KATNAL2: variants seen among roughly 807,000 people sequenced by gnomAD.
KATNAL2 encodes the protein katanin catalytic subunit A1 like 2.
KATNAL2 carries 52 observed loss-of-function variants against 76.3 expected under a neutral mutation model. The ratio of observed to expected loss-of-function variants is 0.68; its 90% CI spans 0.55 to 0.86. The LOEUF is 0.86. Ranked by LOEUF, KATNAL2 falls within the 40% of genes least tolerant of loss-of-function variation. KATNAL2 has a pLI of 0.00. For synonymous variants in KATNAL2, 243 were observed against 244.2 expected, an observed-to-expected ratio of 1.00 and a Z score of 0.05; for missense variants, 660 against 668.9, an observed-to-expected ratio of 0.99 and a Z score of 0.15.
intron 4 of KATNAL2, among the ~76,000 whole-genome samples, chr18:47,048,893 G>GGC (rs2061250358): frequency 1.6e-5 from 2 of 124,782 alleles, no homozygotes; most frequent in African/African-American, 3.1e-5. Context: ...GGAGTGCAAT[G>GGC]GCGCGATCTC....
chr18:47,077,340 T>C lies in KATNAL2; in HGVS notation c.1101-11T>C. On this transcript the variant is annotated splice_polypyrimidine_tract_variant and intron_variant, in intron 14 of 17. Coordinates refer to ENST00000683218, the MANE Select transcript of KATNAL2 (RefSeq NM_001387690.1). The stretch of plus-strand genomic sequence containing the variant: ...TGACACTTAGGAGAATCACGTCTTG[T>C]CTCTCTGTAGGGGAGAACATGAAGG... 6.2e-7 allele frequency: 1 copy of C among 1,603,364 alleles called. No individual in the cohort carries two copies. The highest frequency in any genetic ancestry group is 8.5e-7 in the Non-Finnish European group (1 of 1,170,328).
rs575761120 is a variant in KATNAL2 at position 47,053,326 on chromosome 18, T to A, written c.289+280T>A. ...ATAGGTACTTTTCAGATGATTAGCA[T>A]TACTTTAATTTCCTTAGAGATGAAA... On this transcript the variant is annotated intron_variant, in intron 5 of 17. Coordinates refer to ENST00000683218, the MANE Select transcript of KATNAL2 (RefSeq NM_001387690.1). 9.8e-5 allele frequency among the ~76,000 whole-genome samples: 15 copies of A among 152,362 alleles called. No homozygotes were observed. The South Asian group carries it at 2.7e-3, about 27-fold the overall frequency.
intron 15 of KATNAL2, among the ~76,000 whole-genome samples, chr18:47,092,899 A>G (rs1207713221): frequency 6.6e-6 from 1 of 152,176 alleles, no homozygotes; most frequent in African/African-American, 2.4e-5. Flanking sequence ...TAGGCCTCAC[A>G]TGTTGAAAAT....
chr18:47,034,353 G>T (rs779106552), intron 3 of KATNAL2: 2 of 1,613,772 alleles, frequency 1.2e-6, no homozygotes, highest in Non-Finnish European at 1.7e-6. Flanking sequence ...GCCTCTTCTG[G>T]TGACTGTCTG....
At chr18:46,931,125 A>AAT (rs2058900885) in intron 1 of KATNAL2, among the ~76,000 whole-genome samples, 1 of 134,398 alleles carries the variant, frequency 7.4e-6, no homozygotes, top group Non-Finnish European at 1.6e-5. Flanking sequence ...TAATAATAAT[A>AAT]ATAATAATAA....
At chr18:47,044,534 G>A (rs112438927) in intron 3 of KATNAL2, among the ~76,000 whole-genome samples, 156 of 145,074 alleles carry the variant, frequency 1.1e-3, no homozygotes, top group Middle Eastern at 4.3e-3. Flanking sequence ...CGAAGCAGGC[G>A]GATCATCTGA....
At chr18:47,087,949 C>A (rs1048224014) in intron 15 of KATNAL2, among the ~76,000 whole-genome samples, 1 of 151,992 alleles carries the variant, frequency 6.6e-6, no homozygotes, top group African/African-American at 2.4e-5. Context: ...ATTTATTTGA[C>A]TTTTCTTTTT....
chr18:46,955,390 A>T lies in KATNAL2; in HGVS notation c.51+8467A>T, dbSNP rs553924887. On this transcript the variant is annotated intron_variant, in intron 3 of 17. Coordinates refer to ENST00000683218, the MANE Select transcript of KATNAL2 (RefSeq NM_001387690.1). ...CGCCACCACGCCTGGCTAATTTTGT[A>T]TTTTTTTTTTTTAAGTAGAGACGGG... is the stretch of plus-strand genomic sequence containing the variant. 2.9e-5 allele frequency among the ~76,000 whole-genome samples: 4 copies of T among 140,148 alleles called. No homozygotes were observed. In the South Asian group the frequency reaches 9.1e-4, roughly 32 times the overall value. The allele number at this position is 140,148 out of a possible 152,430, so 91.9% of individuals were successfully genotyped here.
chr18:47,034,730 G>A (rs773602485), intron 3 of KATNAL2: 79 of 1,612,886 alleles, frequency 4.9e-5, no homozygotes, highest in Non-Finnish European at 6.3e-5. Context: ...TCGGGCATCC[G>A]GAGGGGAGCT....
intron 15 of KATNAL2, among the ~76,000 whole-genome samples, chr18:47,086,116 G>A (rs1350244580): frequency 6.6e-6 from 1 of 152,056 alleles, no homozygotes; most frequent in East Asian, 1.9e-4. Flanking sequence ...ATGCTATTGT[G>A]CTTTGTGACT....
At chr18:46,948,817 AT>A (rs1186982892) in intron 3 of KATNAL2, among the ~76,000 whole-genome samples, 1 of 152,066 alleles carries the variant, frequency 6.6e-6, no homozygotes, top group African/African-American at 2.4e-5. Flanking sequence ...GATCCAGAAG[AT>A]AAAATATGGG....
chr18:47,035,343 T>C (rs2060721187), intron 3 of KATNAL2: 1 of 1,601,764 alleles, frequency 6.2e-7, no homozygotes, highest in Non-Finnish European at 8.5e-7. Flanking sequence ...AAGTCTGGGG[T>C]GGCCGGTCCT....
At chr18:46,941,669 T>C (rs2059250154) in intron 1 of KATNAL2, among the ~76,000 whole-genome samples, 1 of 152,104 alleles carries the variant, frequency 6.6e-6, no homozygotes, top group African/African-American at 2.4e-5. Flanking sequence ...TGTAAATAAT[T>C]TCTTCAAAAA....
chr18:47,067,182 C>G, intron 11 of KATNAL2, 63 bp downstream of exon 11: 1 of 749,682 alleles, frequency 1.3e-6, no homozygotes. Flanking sequence ...AGCTGTATGT[C>G]ACACAACTAT....
chr18:46,956,143 G>C (rs1325455566), intron 3 of KATNAL2, among the ~76,000 whole-genome samples: 2 of 152,088 alleles, frequency 1.3e-5, no homozygotes, highest in Admixed American at 1.3e-4. Flanking sequence ...TATTTCTTTG[G>C]ATATTGTAGG....
chr18:47,033,922 G>C (rs1427624682), intron 3 of KATNAL2: 1 of 1,612,864 alleles, frequency 6.2e-7, no homozygotes, highest in Non-Finnish European at 8.5e-7. Flanking sequence ...CGGCCCGGCG[G>C]AATCAGCGCC....
chr18:46,944,882 G>A (rs1052927075), intron 1 of KATNAL2, among the ~76,000 whole-genome samples: 6 of 152,010 alleles, frequency 3.9e-5, no homozygotes, highest in East Asian at 3.9e-4. Flanking sequence ...AACCAAGATC[G>A]TGCAACTGCA....
At chr18:46,923,973 T>C (rs2058653859) in intron 1 of KATNAL2, among the ~76,000 whole-genome samples, 1 of 152,218 alleles carries the variant, frequency 6.6e-6, no homozygotes, top group Non-Finnish European at 1.5e-5. Flanking sequence ...TTCTGGATAT[T>C]AGCCCTTTGT....
At chr18:47,031,488 T>C (rs1299062587) in intron 3 of KATNAL2, among the ~76,000 whole-genome samples, 2 of 152,130 alleles carry the variant, frequency 1.3e-5, no homozygotes, top group African/African-American at 2.4e-5. Context: ...CATTATGCCC[T>C]GAGAATCGGG....
Sources: gnomAD v4.1 joint callset for allele counts (sites outside exome capture counted in the v4.1 genomes callset) on GRCh38, gnomAD v4.1.1 for gene constraint, MANE v1.5 for transcripts, NCBI Gene and HGNC (gene_info 2026-07-23, HGNC 2026-07-21) for gene names.